CSMD1: variants seen among roughly 807,000 people sequenced by gnomAD.
The protein encoded by CSMD1 is CUB and sushi domain-containing protein 1.
Under a neutral mutation model 417.5 loss-of-function variants are expected in CSMD1, and 213 were observed. The ratio of observed to expected loss-of-function variants is 0.51; its 90% CI spans 0.46 to 0.57. The LOEUF is 0.57. CSMD1 is among the 20% of genes least tolerant of loss of function. The pLI, the probability that CSMD1 is intolerant of heterozygous loss-of-function variation, is 0.00. For missense variants in CSMD1, 6,923 were observed against 4,529.7 expected, an observed-to-expected ratio of 1.53 and a Z score of -15.17; for synonymous variants, 2,862 against 1,736.8, an observed-to-expected ratio of 1.65 and a Z score of -16.11.
At chr8:3,954,509 G>C (rs370465087) in intron 5 of CSMD1, among the ~76,000 whole-genome samples, 1 of 152,154 alleles carries the variant, frequency 6.6e-6, no homozygotes, top group Admixed American at 6.5e-5. Flanking sequence ...TGGGATTACA[G>C]GCACCCACCA....
In CSMD1 at chr8:3,406,040, C is replaced by T. The variant is rs1244007238; in HGVS notation, c.2253G>A (p.Val751=). 1.2e-6 allele frequency: 2 copies of T among 1,613,716 alleles called. No individual in the cohort carries two copies. Among genetic ancestry groups the T allele is most frequent in the East Asian group, 2.2e-5 (1 of 44,858 alleles). The part of the protein sequence containing the change: ...QDGNVVWSST[V]PRCEAPCGGH... ...CAGGGACTGCACCTTCACAGCGGGG[C>T]ACGGTGGAGCTCCAGACCACGTTCC... The change falls in exon 15 of 70, where the codon GTG becomes GTA. Residue 751 remains valine, a synonymous_variant. Transcript: ENST00000635120.
Position 4,182,244 on chromosome 8 carries a change from C to T in CSMD1, c.416-150145G>A, listed in dbSNP as rs368054011. ...AAACTTATGATACATAAGAAAAAAA[C>T]GGAATATATCTAGATTATCGTTTGC... is the stretch of plus-strand genomic sequence containing the variant. On this transcript the variant is annotated intron_variant, in intron 3 of 69. Coordinates refer to ENST00000635120, the MANE Select transcript of CSMD1 (RefSeq NM_033225.6). 3.7e-4 allele frequency among the ~76,000 whole-genome samples: 56 copies of T among 152,116 alleles called. No individual in the cohort carries two copies. In the East Asian group the frequency reaches 8.1e-3, roughly 22 times the overall value.
At chr8:4,593,637 T>A (rs1042610942) in intron 2 of CSMD1, among the ~76,000 whole-genome samples, 1 of 152,014 alleles carries the variant, frequency 6.6e-6, no homozygotes, top group Non-Finnish European at 1.5e-5. Flanking sequence ...TGATCCGGAG[T>A]CTTAAAGCTC....
chr8:3,049,099 G>A (rs535735149), intron 50 of CSMD1, among the ~76,000 whole-genome samples: 6 of 152,116 alleles, frequency 3.9e-5, no homozygotes, highest in Non-Finnish European at 2.9e-5. Flanking sequence ...TCGCGACAAC[G>A]TGGGGCAACA....
At chr8:3,710,443 G>A (rs972097699) in intron 6 of CSMD1, among the ~76,000 whole-genome samples, 1 of 152,156 alleles carries the variant, frequency 6.6e-6, no homozygotes, top group Non-Finnish European at 1.5e-5. Context: ...GGTGTCCTGA[G>A]CCCAGCCAAC....
At chr8:3,006,744 C>T (rs1807939843) in intron 52 of CSMD1, among the ~76,000 whole-genome samples, 2 of 151,706 alleles carry the variant, frequency 1.3e-5, no homozygotes, top group Non-Finnish European at 2.9e-5. Context: ...AACTGGATCC[C>T]TTCCTTACAG....
intron 69 of CSMD1, among the ~76,000 whole-genome samples, chr8:2,938,986 A>G (rs1801679436): frequency 6.6e-6 from 1 of 152,194 alleles, no homozygotes; most frequent in African/African-American, 2.4e-5. Flanking sequence ...TTTTTTTGAG[A>G]CAGGGTCTCA....
In CSMD1 at chr8:2,997,966, G is replaced by C. The variant is rs374418986; in HGVS notation, c.8377+45C>G. 5.4e-5 allele frequency: 85 copies of C among 1,582,046 alleles called. No individual in the cohort carries two copies. The South Asian group carries it at 8.8e-4, about 16-fold the overall frequency. On this transcript the variant is annotated intron_variant, in intron 54 of 69. Transcript: ENST00000635120. Reference sequence around the variant, plus strand: ...CTTGATGGTGTTACTGGGCAGCCTAGAACACTCTCAGAGCAAAGGGCTCAT... The same window carrying C: ...CTTGATGGTGTTACTGGGCAGCCTACAACACTCTCAGAGCAAAGGGCTCAT...
At chr8:4,961,361 G>T (rs1273651254) in intron 1 of CSMD1, among the ~76,000 whole-genome samples, 3 of 151,874 alleles carry the variant, frequency 2.0e-5, no homozygotes, top group Non-Finnish European at 4.4e-5. Flanking sequence ...AACCTGACCT[G>T]ATTGCCCCTG....
chr8:3,961,637 G>C (rs1478955380), intron 5 of CSMD1, among the ~76,000 whole-genome samples: 2 of 152,094 alleles, frequency 1.3e-5, no homozygotes, highest in Non-Finnish European at 2.9e-5. Flanking sequence ...TCTGTTTTAT[G>C]TAACATTCTT....
At chr8:4,892,281 T>G (rs1034355810) in intron 1 of CSMD1, among the ~76,000 whole-genome samples, 1 of 152,066 alleles carries the variant, frequency 6.6e-6, no homozygotes, top group African/African-American at 2.4e-5. Flanking sequence ...AGGTGTCCCT[T>G]TATTTTAAAA....
chr8:4,658,299 T>C (rs929555360), intron 1 of CSMD1, among the ~76,000 whole-genome samples: 2 of 152,116 alleles, frequency 1.3e-5, no homozygotes, highest in Non-Finnish European at 2.9e-5. Flanking sequence ...CTGGGACATA[T>C]TTTAATAAAA....
At chr8:4,449,900 G>A (rs967726847) in intron 2 of CSMD1, among the ~76,000 whole-genome samples, 2 of 152,128 alleles carry the variant, frequency 1.3e-5, no homozygotes, top group East Asian at 3.8e-4. Flanking sequence ...CATAACATAT[G>A]TATAAAACCT....
chr8:3,306,995 G>C (rs1804911280), intron 25 of CSMD1, among the ~76,000 whole-genome samples: 1 of 151,348 alleles, frequency 6.6e-6, no homozygotes, highest in African/African-American at 2.4e-5. Context: ...TGTTACTTTA[G>C]AGTACTTTCT....
intron 5 of CSMD1, among the ~76,000 whole-genome samples, chr8:3,780,815 C>T (rs56204251): frequency 0.15 from 22,556 of 152,060 alleles, 2,331 homozygotes; most frequent in African/African-American, 0.28. Context: ...GGCCCTAGTG[C>T]TTTGCCATAG....
At chr8:3,664,137 T>A (rs1326491858) in intron 7 of CSMD1, among the ~76,000 whole-genome samples, 2 of 152,102 alleles carry the variant, frequency 1.3e-5, no homozygotes, top group Non-Finnish European at 2.9e-5. Flanking sequence ...ACCCATTGAC[T>A]CGTCATTTAA....
At chr8:4,348,139 G>A (rs1428366683) in intron 3 of CSMD1, among the ~76,000 whole-genome samples, 3 of 152,182 alleles carry the variant, frequency 2.0e-5, no homozygotes, top group African/African-American at 7.2e-5. Context: ...AAAGAGAGAA[G>A]ACCTTTTCGG....
chr8:4,665,299 T>G (rs972319010), intron 1 of CSMD1, among the ~76,000 whole-genome samples: 10 of 152,194 alleles, frequency 6.6e-5, no homozygotes, highest in Non-Finnish European at 1.3e-4. Flanking sequence ...TTGGCCTTCC[T>G]CTCCCTTTGC....
intron 2 of CSMD1, among the ~76,000 whole-genome samples, chr8:4,441,259 A>AT (rs1455079009): frequency 9.4e-5 from 10 of 106,334 alleles, no homozygotes; most frequent in East Asian, 3.6e-4. Flanking sequence ...CACTACACTC[A>AT]GTTTTTTTTT....
Sources: gnomAD v4.1 joint callset for allele counts (sites outside exome capture counted in the v4.1 genomes callset) on GRCh38, gnomAD v4.1.1 for gene constraint, MANE v1.5 for transcripts, NCBI Gene and HGNC (gene_info 2026-07-23, HGNC 2026-07-21) for gene names.